NRK: variants seen among roughly 807,000 people sequenced by gnomAD.
NRK encodes the protein nik-related protein kinase.
NRK carries 67 observed loss-of-function variants against 125.2 expected under a neutral mutation model. The ratio of observed to expected loss-of-function variants is 0.54; its 90% CI spans 0.44 to 0.66. The LOEUF is 0.66. Ranked by LOEUF, NRK falls within the 30% of genes least tolerant of loss-of-function variation. NRK has a pLI of 0.00. For missense variants in NRK, 1,224 were observed against 1,192.9 expected (o/e 1.03, Z -0.38); for synonymous variants, 458 against 429.0 (o/e 1.07, Z -0.84).
intron 8 of NRK, among the ~76,000 whole-genome samples, chrX:105,900,364 A>G (rs1012652232): frequency 2.4e-4 from 27 of 111,821 alleles, no homozygotes; most frequent in African/African-American, 7.2e-4. Context: ...GATAATATCA[A>G]TGCATCCAAG....
At chrX:105,922,542 G>A (rs1398680151) in intron 17 of NRK, among the ~76,000 whole-genome samples, 1 of 111,946 alleles carries the variant, frequency 8.9e-6, no homozygotes, top group African/African-American at 3.2e-5. Context: ...CTAATGCAAT[G>A]TGCTTTCAGA....
chrX:105,871,813 G>A (rs2039751705), intron 2 of NRK, among the ~76,000 whole-genome samples: 2 of 111,604 alleles, frequency 1.8e-5, no homozygotes, highest in African/African-American at 3.3e-5. Context: ...TGTGAAGATA[G>A]GACATTTCTC....
At chrX:105,860,611 C>T (rs764609995) in intron 2 of NRK, among the ~76,000 whole-genome samples, 1 of 110,407 alleles carries the variant, frequency 9.1e-6, no homozygotes, top group South Asian at 4.0e-4. Context: ...TATTCTATGG[C>T]ATATTCTGGA....
In NRK at chrX:105,929,407, A is replaced by C. The variant is rs184938351; in HGVS notation, c.3312+4376A>C. On this transcript the variant is annotated intron_variant, in intron 19 of 28. Coordinates refer to ENST00000243300, the MANE Select transcript of NRK (RefSeq NM_198465.4). ...CAGGTAAGGTGAATTTCTTATAGGC[A>C]ACATATAATTGGGTATTTTTATTTT... Among the ~76,000 whole-genome samples, 217 of 111,413 alleles carry C rather than the reference A, an allele frequency of 1.9e-3. 2 individuals are homozygous for C. Among genetic ancestry groups the C allele is most frequent in the Non-Finnish European group, 3.1e-3 (166 of 52,877 alleles).
chrX:105,844,955 G>T (rs1408781176), intron 2 of NRK, among the ~76,000 whole-genome samples: 1 of 111,348 alleles, frequency 9.0e-6, no homozygotes, highest in Non-Finnish European at 1.9e-5. Flanking sequence ...TTCTGTTGGT[G>T]TTGTGAATCA....
rs1176233592 is a variant in NRK, at chrX:105,956,721, C to A, written c.*1121C>A. On this transcript the variant is annotated 3_prime_UTR_variant, in exon 29 of 29. Transcript: ENST00000243300. ...AAGATTTCACAAAATATACAACTTT[C>A]ACCATATATATAAGCCTGCAAAATT... 2 of 111,780 alleles carry A rather than the reference C, an allele frequency of 1.8e-5. No individual in the cohort carries two copies. The highest frequency in any genetic ancestry group is 3.8e-5 in the Non-Finnish European group (2 of 53,121). 9.2% of individuals were successfully genotyped at this position (111,780 alleles called of 1,213,427 possible).
At chrX:105,837,067 C>T in intron 2 of NRK, among the ~76,000 whole-genome samples, 1 of 111,479 alleles carries the variant, frequency 9.0e-6, no homozygotes. Context: ...AGTTATCTAG[C>T]AGCATAGAAC....
chrX:105,922,911 A>G (rs1487068086), intron 17 of NRK, among the ~76,000 whole-genome samples: 3 of 111,238 alleles, frequency 2.7e-5, no homozygotes, highest in Non-Finnish European at 5.7e-5. Flanking sequence ...ATTTTGCCCT[A>G]TGTGATCCAG....
At chrX:105,902,792 T>C (rs943385422) in intron 9 of NRK, among the ~76,000 whole-genome samples, 1 of 111,303 alleles carries the variant, frequency 9.0e-6, no homozygotes, top group African/African-American at 3.3e-5. Flanking sequence ...ATATTTCTTA[T>C]GAGAATCCAA....
Position 105,860,548 on chromosome X carries a change from A to C in NRK, c.124-19651A>C, listed in dbSNP as rs180938913. Among the ~76,000 whole-genome samples the C allele has an allele frequency of 3.9e-3, 433 of 110,253 alleles. 4 individuals carry two copies. The highest frequency in any genetic ancestry group is 0.013 in the African/African-American group (406 of 30,347). On this transcript the variant is annotated intron_variant, in intron 2 of 28. Transcript: ENST00000243300. The stretch of plus-strand genomic sequence containing the variant: ...TACCCACAAAGGAAACCCTCTAACC[A>C]TTAGCAGTCATCCCCCAGGCCCCCT...
intron 15 of NRK, among the ~76,000 whole-genome samples, chrX:105,916,646 T>A (rs1183464116): frequency 9.0e-6 from 1 of 111,580 alleles, no homozygotes; most frequent in Non-Finnish European, 1.9e-5. Flanking sequence ...TCTTGAAAAA[T>A]TGTAAAGCAA....
chrX:105,950,116 G>T (rs1023976753), intron 27 of NRK, among the ~76,000 whole-genome samples: 1 of 111,806 alleles, frequency 8.9e-6, no homozygotes, highest in Admixed American at 9.5e-5. Context: ...TTAGGAGACT[G>T]CCAACTAGTA....
chrX:105,853,710 T>C (rs1171688404), intron 2 of NRK, among the ~76,000 whole-genome samples: 1 of 112,154 alleles, frequency 8.9e-6, no homozygotes, highest in Non-Finnish European at 1.9e-5. Context: ...TTAGGATATA[T>C]AGATTTGAGG....
intron 2 of NRK, among the ~76,000 whole-genome samples, chrX:105,844,933 A>G (rs1046087756): frequency 2.2e-4 from 25 of 111,461 alleles, no homozygotes; most frequent in African/African-American, 7.8e-4. Context: ...GTAAGTGCTC[A>G]TATCTTTTGA....
chrX:105,922,592 A>G (rs2040466772), intron 17 of NRK, among the ~76,000 whole-genome samples: 1 of 111,870 alleles, frequency 8.9e-6, no homozygotes, highest in South Asian at 3.6e-4. Context: ...ATGCTACCGT[A>G]CACACATCCC....
At position 105,905,261 on chromosome X, in the gene NRK, G is replaced by A. The variant is rs938859644; in HGVS notation, c.767-4G>A. 1.7e-6 allele frequency: 2 copies of A among 1,191,977 alleles called. No homozygotes were observed. Among genetic ancestry groups the A allele is most frequent in the African/African-American group, 3.5e-5 (2 of 56,892 alleles). ...TTTCTAAATTTATCTATTTCCCTTT[G>A]CAGCTCTGTGTAACCTTCAACCCTT... On this transcript the variant is annotated splice_region_variant and splice_polypyrimidine_tract_variant and intron_variant, in intron 9 of 28. Coordinates refer to ENST00000243300, the MANE Select transcript of NRK (RefSeq NM_198465.4).
At chrX:105,901,596 T>C (rs1191716370) in intron 9 of NRK, among the ~76,000 whole-genome samples, 1 of 111,258 alleles carries the variant, frequency 9.0e-6, no homozygotes, top group African/African-American at 3.3e-5. Flanking sequence ...TATCTTAGCA[T>C]TTTGTTTCAA....
chrX:105,886,154 A>G (rs2039941481), intron 4 of NRK, among the ~76,000 whole-genome samples: 2 of 109,811 alleles, frequency 1.8e-5, no homozygotes, highest in Non-Finnish European at 3.8e-5. Flanking sequence ...CTCAGAAACA[A>G]TACTTCTAGA....
chrX:105,842,260 G>A (rs1196783233), intron 2 of NRK, among the ~76,000 whole-genome samples: 1 of 110,967 alleles, frequency 9.0e-6, no homozygotes, highest in African/African-American at 3.3e-5. Flanking sequence ...TTTCTGGAAC[G>A]TAATAGATTT....
Sources: gnomAD v4.1 joint callset for allele counts (sites outside exome capture counted in the v4.1 genomes callset) on GRCh38, gnomAD v4.1.1 for gene constraint, MANE v1.5 for transcripts, NCBI Gene and HGNC (gene_info 2026-07-23, HGNC 2026-07-21) for gene names.